Variants in CNTNAP2 observed in about 807,000 individuals in gnomAD.
The protein encoded by CNTNAP2 is contactin associated protein 2.
CNTNAP2 carries 98 observed loss-of-function variants against 155.2 expected under a neutral mutation model. The observed-to-expected ratio is 0.63, with a 90% CI of 0.54 to 0.75. The LOEUF is 0.75. Ranked by LOEUF, CNTNAP2 falls within the 30% of genes least tolerant of loss-of-function variation. CNTNAP2 has a pLI of 0.00. For synonymous variants in CNTNAP2, 651 were observed against 631.2 expected (o/e 1.03, Z -0.47); for missense variants, 1,727 against 1,688.1 (o/e 1.02, Z -0.40).
At chr7:147,922,891 G>T (rs1800309217) in intron 14 of CNTNAP2, among the ~76,000 whole-genome samples, 2 of 152,270 alleles carry the variant, frequency 1.3e-5, no homozygotes. Flanking sequence ...GCCAATGTTA[G>T]GGACTATCAA....
chr7:147,226,437 G>A lies in CNTNAP2; in HGVS notation c.1349-73704G>A, dbSNP rs146771400. On this transcript the variant is annotated intron_variant, in intron 8 of 23. Coordinates refer to ENST00000361727, the MANE Select transcript of CNTNAP2 (RefSeq NM_014141.6). ...TAGGACTTCATCGTGTAGTTGAAAC[G>A]TCATGCCATGGCTTGGAAATATCAT... Among the ~76,000 whole-genome samples, 391 of 152,032 alleles carry A rather than the reference G, an allele frequency of 2.6e-3. 1 individual carries two copies. Among genetic ancestry groups the A allele is most frequent in the African/African-American group, 7.9e-3 (327 of 41,466 alleles).
intron 1 of CNTNAP2, among the ~76,000 whole-genome samples, chr7:146,467,772 A>G (rs538499417): frequency 1.3e-5 from 2 of 152,316 alleles, no homozygotes; most frequent in East Asian, 1.9e-4. Flanking sequence ...TAGTACTCAC[A>G]TAACTATATT....
chr7:146,331,351 C>A (rs949703308), intron 1 of CNTNAP2, among the ~76,000 whole-genome samples: 2 of 151,922 alleles, frequency 1.3e-5, no homozygotes, highest in Admixed American at 6.6e-5. Flanking sequence ...AATTATTCGG[C>A]CCTTTATTGA....
chr7:147,424,287 C>G (rs1797344123), intron 10 of CNTNAP2, among the ~76,000 whole-genome samples: 1 of 152,068 alleles, frequency 6.6e-6, no homozygotes, highest in African/African-American at 2.4e-5. Context: ...TCTTTTTGAA[C>G]CTATTTCAAA....
chr7:147,562,706 A>G (rs1171896100), intron 12 of CNTNAP2, among the ~76,000 whole-genome samples: 1 of 152,210 alleles, frequency 6.6e-6, no homozygotes, highest in Non-Finnish European at 1.5e-5. Context: ...CCATTCTGAT[A>G]ATAGCAAAAA....
chr7:147,692,349 C>T (rs1584903045), intron 13 of CNTNAP2, among the ~76,000 whole-genome samples: 2 of 152,072 alleles, frequency 1.3e-5, no homozygotes, highest in African/African-American at 4.8e-5. Flanking sequence ...CATAAGTTTT[C>T]ACCTCCTTTG....
At chr7:148,152,268 T>G (rs564487971) in intron 17 of CNTNAP2, among the ~76,000 whole-genome samples, 5 of 151,960 alleles carry the variant, frequency 3.3e-5, no homozygotes, top group Admixed American at 3.3e-4. Context: ...AGGCTAGGGT[T>G]TTTAAGGACA....
chr7:146,415,944 C>G (rs1428458187), intron 1 of CNTNAP2, among the ~76,000 whole-genome samples: 1 of 151,946 alleles, frequency 6.6e-6, no homozygotes, highest in Non-Finnish European at 1.5e-5. Context: ...CCAAGGCTCT[C>G]TTTATCCAAT....
intron 8 of CNTNAP2, among the ~76,000 whole-genome samples, chr7:147,165,260 C>A (rs1802093966): frequency 6.6e-6 from 1 of 152,052 alleles, no homozygotes; most frequent in South Asian, 2.1e-4. Context: ...TGACATTGAG[C>A]ATTTTTTCAC....
intron 20 of CNTNAP2, among the ~76,000 whole-genome samples, chr7:148,240,538 T>C (rs187388225): frequency 1.3e-5 from 2 of 152,242 alleles, no homozygotes; most frequent in African/African-American, 4.8e-5. Flanking sequence ...AATTCAGAGG[T>C]TATTATTAAG....
intron 13 of CNTNAP2, among the ~76,000 whole-genome samples, chr7:147,668,897 C>CA (rs1247798093): frequency 6.6e-6 from 1 of 152,116 alleles, no homozygotes; most frequent in Non-Finnish European, 1.5e-5. Flanking sequence ...CTCACTGACT[C>CA]ACTCAGAGCA....
intron 21 of CNTNAP2, among the ~76,000 whole-genome samples, chr7:148,276,377 C>G (rs2116853326): frequency 6.6e-6 from 1 of 152,326 alleles, no homozygotes; most frequent in South Asian, 2.1e-4. Flanking sequence ...CCAGGACACT[C>G]TGGAAGACAG....
intron 11 of CNTNAP2, among the ~76,000 whole-genome samples, chr7:147,553,337 A>C (rs1380227662): frequency 6.6e-6 from 1 of 152,152 alleles, no homozygotes; most frequent in Non-Finnish European, 1.5e-5. Context: ...CAGGACAAGC[A>C]TGGAATCACA....
chr7:146,705,763 T>C (rs1445518879), intron 1 of CNTNAP2, among the ~76,000 whole-genome samples: 1 of 152,006 alleles, frequency 6.6e-6, no homozygotes, highest in Non-Finnish European at 1.5e-5. Flanking sequence ...TTTACCACCA[T>C]GAGGAAAGTA....
At chr7:146,529,965 A>AAACAAC (rs59533423) in intron 1 of CNTNAP2, among the ~76,000 whole-genome samples, 43,865 of 150,492 alleles carry the variant, frequency 0.29, 6,647 homozygotes, top group East Asian at 0.48. Flanking sequence ...CTCCGTCTCA[A>AAACAAC]AACAACAACA....
At chr7:146,280,250 CA>C (rs997376897) in intron 1 of CNTNAP2, among the ~76,000 whole-genome samples, 6 of 152,058 alleles carry the variant, frequency 3.9e-5, no homozygotes, top group African/African-American at 1.4e-4. Flanking sequence ...AAATACTTTC[CA>C]AAAATACTTT....
chr7:147,629,154 C>G (rs1417383965), intron 12 of CNTNAP2, among the ~76,000 whole-genome samples: 1 of 152,032 alleles, frequency 6.6e-6, no homozygotes, highest in Non-Finnish European at 1.5e-5. Context: ...GTAATCCCAG[C>G]ACTTTGGGAG....
intron 13 of CNTNAP2, among the ~76,000 whole-genome samples, chr7:147,852,013 C>T (rs950387791): frequency 6.6e-6 from 1 of 152,116 alleles, no homozygotes. Context: ...ATAAGAACTA[C>T]TTATCCTGGG....
intron 13 of CNTNAP2, among the ~76,000 whole-genome samples, chr7:147,777,491 G>A (rs1230623239): frequency 5.3e-5 from 8 of 152,148 alleles, no homozygotes; most frequent in South Asian, 2.1e-4. Flanking sequence ...CTGGGAGCCC[G>A]GTTCCCCTGT....
Sources: allele counts gnomAD v4.1 joint callset (sites outside exome capture counted in the v4.1 genomes callset), GRCh38; gene constraint gnomAD v4.1.1; transcripts MANE v1.5; gene names NCBI Gene and HGNC (gene_info 2026-07-23, HGNC 2026-07-21).